Variants in FSTL4 observed in about 807,000 individuals in gnomAD.
The protein encoded by FSTL4 is follistatin-related protein 4.
Under a neutral mutation model 78.2 loss-of-function variants are expected in FSTL4, and 28 were observed. The ratio of observed to expected loss-of-function variants is 0.36; its 90% CI spans 0.27 to 0.49. The LOEUF is 0.49. FSTL4 is among the 20% of genes least tolerant of loss of function. The pLI, the probability that FSTL4 is intolerant of heterozygous loss-of-function variation, is 0.98. For synonymous variants in FSTL4, 422 were observed against 440.5 expected, an observed-to-expected ratio of 0.96 and a Z score of 0.53; for missense variants, 922 against 1,084.9, an observed-to-expected ratio of 0.85 and a Z score of 2.11.
rs115597323 is a variant in FSTL4, at chr5:133,318,865, C to A, written c.410-2213G>T. Among the ~76,000 whole-genome samples, 586 of 152,350 alleles carry A rather than the reference C, an allele frequency of 3.8e-3. 4 individuals carry two copies. The highest frequency in any genetic ancestry group is 0.013 in the African/African-American group (552 of 41,568). Reference sequence around the variant, plus strand: ...GCTGCCTGCTGCCCTGGGCAAGATTCCTTTCTGGGAGCCTCTTATTTCGTC... The same window carrying A: ...GCTGCCTGCTGCCCTGGGCAAGATTACTTTCTGGGAGCCTCTTATTTCGTC... On this transcript the variant is annotated intron_variant, in intron 4 of 15. Coordinates refer to ENST00000265342, the MANE Select transcript of FSTL4 (RefSeq NM_015082.2).
intron 4 of FSTL4, among the ~76,000 whole-genome samples, chr5:133,398,891 T>G (rs757220171): frequency 6.6e-6 from 1 of 152,156 alleles, no homozygotes; most frequent in Admixed American, 6.5e-5. Flanking sequence ...GGGCGGCAAC[T>G]CACAATGTGT....
chr5:133,441,966 C>T (rs536235975), intron 3 of FSTL4, among the ~76,000 whole-genome samples: 2 of 152,362 alleles, frequency 1.3e-5, no homozygotes, highest in African/African-American at 4.8e-5. Context: ...GAGTTGCTGG[C>T]ATTGTACCCA....
chr5:133,261,418 C>G (rs1339498512), intron 6 of FSTL4, among the ~76,000 whole-genome samples: 1 of 152,182 alleles, frequency 6.6e-6, no homozygotes, highest in Non-Finnish European at 1.5e-5. Context: ...ATGGACCCCC[C>G]TCTTAGCCGA....
the FSTL4 span, among the ~76,000 whole-genome samples, chr5:133,753,854 G>A: frequency 6.6e-6 from 1 of 152,124 alleles, no homozygotes; most frequent in Non-Finnish European, 1.5e-5. Context: ...GCAGCCCAGT[G>A]TTTAAACTAT....
At chr5:133,700,125 A>C in the FSTL4 span, among the ~76,000 whole-genome samples, 86 of 152,174 alleles carry the variant, frequency 5.7e-4, 2 homozygotes, top group South Asian at 0.017. Flanking sequence ...AGCCACACCA[A>C]ACCACCACAC....
At chr5:133,280,448 T>C (rs1752984215) in intron 6 of FSTL4, among the ~76,000 whole-genome samples, 1 of 152,272 alleles carries the variant, frequency 6.6e-6, no homozygotes, top group Non-Finnish European at 1.5e-5. Context: ...CAGTCAAGAC[T>C]GATGCCATTT....
the FSTL4 span, among the ~76,000 whole-genome samples, chr5:133,632,688 G>A: frequency 6.7e-6 from 1 of 149,644 alleles, no homozygotes; most frequent in Non-Finnish European, 1.5e-5. Context: ...TGTTTTTTTT[G>A]TTGTTGTTTT....
chr5:133,701,104 T>C, the FSTL4 span, among the ~76,000 whole-genome samples: 1 of 151,980 alleles, frequency 6.6e-6, no homozygotes, highest in Non-Finnish European at 1.5e-5. Context: ...CCATATTGAA[T>C]AGAAAAACCA....
the FSTL4 span, among the ~76,000 whole-genome samples, chr5:133,628,892 G>A: frequency 7.1e-6 from 1 of 141,230 alleles, no homozygotes; most frequent in East Asian, 2.0e-4. Context: ...AGACAATGAT[G>A]TTTTCTAAAT....
At position 133,611,738 on chromosome 5, in the gene FSTL4, A is replaced by G. The variant is rs558275034; in HGVS notation, c.-11+587T>C. On this transcript the variant is annotated intron_variant, in intron 1 of 15. Coordinates refer to ENST00000265342, the MANE Select transcript of FSTL4 (RefSeq NM_015082.2). The surrounding 1 kb of genome is among the most constrained non-coding windows in gnomAD (Gnocchi z 4.9). ...TCCTCCCCAGCCTCACATGCGGCGG[A>G]CCCCGGGGAAGCCAGGGCCAGGCGA... Among the ~76,000 whole-genome samples, 5 of 152,162 alleles carry G rather than the reference A, an allele frequency of 3.3e-5. No homozygotes were observed. The highest frequency in any genetic ancestry group is 6.5e-5 in the Admixed American group (1 of 15,306).
the FSTL4 span, among the ~76,000 whole-genome samples, chr5:133,726,590 G>T: frequency 9.2e-5 from 14 of 152,146 alleles, no homozygotes; most frequent in Non-Finnish European, 1.5e-4. Context: ...TGGCTCTAGG[G>T]GCCATTTCTT....
At chr5:133,395,927 T>A (rs1321566174) in intron 4 of FSTL4, among the ~76,000 whole-genome samples, 1 of 152,198 alleles carries the variant, frequency 6.6e-6, no homozygotes, top group Non-Finnish European at 1.5e-5. Context: ...GGATCAGAGA[T>A]ACCTGATTCT....
the FSTL4 span, among the ~76,000 whole-genome samples, chr5:133,630,799 C>A: frequency 6.6e-6 from 1 of 152,104 alleles, no homozygotes; most frequent in Non-Finnish European, 1.5e-5. Flanking sequence ...TGATATCGAC[C>A]AATGTAACAG....
intron 3 of FSTL4, among the ~76,000 whole-genome samples, chr5:133,559,341 G>A (rs180759387): frequency 6.6e-6 from 1 of 152,212 alleles, no homozygotes; most frequent in African/African-American, 2.4e-5. Flanking sequence ...AATGCCTCTG[G>A]CTTGGGGACT....
chr5:133,306,755 G>A (rs1174351324), intron 6 of FSTL4, among the ~76,000 whole-genome samples: 1 of 152,122 alleles, frequency 6.6e-6, no homozygotes, highest in African/African-American at 2.4e-5. Context: ...TGCCCTCAAT[G>A]AGCAACTCTG....
intron 3 of FSTL4, among the ~76,000 whole-genome samples, chr5:133,433,830 T>C (rs970336188): frequency 6.6e-6 from 1 of 151,910 alleles, no homozygotes; most frequent in African/African-American, 2.4e-5. Flanking sequence ...TCAAGGCCAG[T>C]GCAGGTGTCT....
the FSTL4 span, among the ~76,000 whole-genome samples, chr5:133,657,451 C>T: frequency 3.3e-5 from 5 of 151,094 alleles, no homozygotes; most frequent in Admixed American, 6.6e-5. Flanking sequence ...CTCAGGTGCA[C>T]AGAGTTGAGT....
At chr5:133,273,710 G>A (rs1752817745) in intron 6 of FSTL4, among the ~76,000 whole-genome samples, 1 of 152,184 alleles carries the variant, frequency 6.6e-6, no homozygotes, top group South Asian at 2.1e-4. Context: ...TTGTGACCAC[G>A]TATCTGTGTT....
intron 4 of FSTL4, among the ~76,000 whole-genome samples, chr5:133,358,687 C>A (rs141262880): frequency 0.013 from 1,947 of 150,182 alleles, 45 homozygotes; most frequent in African/African-American, 0.046. Flanking sequence ...GCAACCTCTG[C>A]CTCCCGGATT....
Sources: allele counts gnomAD v4.1 joint callset (sites outside exome capture counted in the v4.1 genomes callset), GRCh38; gene constraint gnomAD v4.1.1; non-coding constraint Gnocchi (gnomAD v3.1); transcripts MANE v1.5; gene names NCBI Gene and HGNC (gene_info 2026-07-23, HGNC 2026-07-21).